The following ARK2N variants were observed in gnomAD, a reference collection of about 807,000 sequenced individuals.
ARK2N encodes arkadia (RNF111) N-terminal like PKA signaling regulator 2N.
chr18:46,184,730 A>T, the ARK2N span, among the ~76,000 whole-genome samples: 1 of 150,700 alleles, frequency 6.6e-6, no homozygotes, highest in Non-Finnish European at 1.5e-5. Context: ...CTCTAACAAC[A>T]ACAACAACAA....
At chr18:46,242,087 G>C in the ARK2N span, among the ~76,000 whole-genome samples, 203 of 152,274 alleles carry the variant, frequency 1.3e-3, no homozygotes, top group African/African-American at 4.7e-3. Context: ...GGGATTACAG[G>C]CGTGAACCAC....
At chr18:46,188,420 C>G in the ARK2N span, among the ~76,000 whole-genome samples, 1 of 152,052 alleles carries the variant, frequency 6.6e-6, no homozygotes, top group East Asian at 1.9e-4. Flanking sequence ...AGGTTGGTTT[C>G]GGAACTCCTG....
the ARK2N span, among the ~76,000 whole-genome samples, chr18:46,229,387 G>A: frequency 5.9e-5 from 9 of 152,020 alleles, no homozygotes; most frequent in East Asian, 1.9e-4. Flanking sequence ...TCGCTCTGTC[G>A]TCCAGGCTGG....
At chr18:46,231,421 C>T in the ARK2N span, among the ~76,000 whole-genome samples, 12 of 152,066 alleles carry the variant, frequency 7.9e-5, no homozygotes, top group Middle Eastern at 3.4e-3. Flanking sequence ...ACAGTGATTT[C>T]GAATGGATTC....
At chr18:46,259,239 C>CTTTCTTT in the ARK2N span, among the ~76,000 whole-genome samples, 1 of 146,726 alleles carries the variant, frequency 6.8e-6, no homozygotes, top group African/African-American at 2.6e-5. Flanking sequence ...AGCTTTCTTT[C>CTTTCTTT]TTTCTTTTTT....
the ARK2N span, chr18:46,240,212 C>G: frequency 2.5e-6 from 4 of 1,612,682 alleles, no homozygotes; most frequent in South Asian, 2.2e-5. Context: ...TCCCCCTTCT[C>G]TAACGGTGTA....
the ARK2N span, among the ~76,000 whole-genome samples, chr18:46,189,753 A>G: frequency 6.6e-6 from 1 of 152,176 alleles, no homozygotes. Flanking sequence ...AGTCCCAGCT[A>G]CTTGGGACAC....
At chr18:46,191,557 G>A in the ARK2N span, among the ~76,000 whole-genome samples, 1 of 152,070 alleles carries the variant, frequency 6.6e-6, no homozygotes, top group East Asian at 1.9e-4. Context: ...AGTCTATGTT[G>A]AATAAAACCA....
chr18:46,218,087 T>C, the ARK2N span: 8 of 152,340 alleles, frequency 5.3e-5, no homozygotes, highest in East Asian at 5.8e-4. Context: ...CCCAATACTT[T>C]GCCTTTTTGT....
At chr18:46,197,294 G>GT in the ARK2N span, among the ~76,000 whole-genome samples, 1 of 152,046 alleles carries the variant, frequency 6.6e-6, no homozygotes, top group Admixed American at 6.5e-5. Context: ...GAGTGCAGTG[G>GT]TGCAATCATG....
chr18:46,246,567 G>T, the ARK2N span, among the ~76,000 whole-genome samples: 1 of 148,794 alleles, frequency 6.7e-6, no homozygotes, highest in Non-Finnish European at 1.5e-5. Context: ...TAACATTCAC[G>T]AGGCAGTCTG....
At chr18:46,219,103 A>C in the ARK2N span, 1 of 152,206 alleles carries the variant, frequency 6.6e-6, no homozygotes, top group South Asian at 2.1e-4. Context: ...GTAACTGTTA[A>C]TGCATATTCT....
At chr18:46,197,243 G>A in the ARK2N span, among the ~76,000 whole-genome samples, 4 of 151,984 alleles carry the variant, frequency 2.6e-5, no homozygotes, top group African/African-American at 7.2e-5. Flanking sequence ...CCCAAAAGTC[G>A]TGTCCCTTTC....
At chr18:46,174,166 C>CCCA in the ARK2N span, 1 of 152,426 alleles carries the variant, frequency 6.6e-6, no homozygotes, top group Non-Finnish European at 1.5e-5. Context: ...CTGACCGCGA[C>CCCA]CCACTGCTCG....
At chr18:46,261,872 A>G in the ARK2N span, among the ~76,000 whole-genome samples, 1 of 152,296 alleles carries the variant, frequency 6.6e-6, no homozygotes, top group South Asian at 2.1e-4. Flanking sequence ...TTTGCAACTG[A>G]ATCGTGTCCA....
chr18:46,240,751 C>G, the ARK2N span, among the ~76,000 whole-genome samples: 1 of 152,184 alleles, frequency 6.6e-6, no homozygotes, highest in Admixed American at 6.5e-5. Flanking sequence ...CCCTGTCTTA[C>G]ATTTTTTTAG....
the ARK2N span, among the ~76,000 whole-genome samples, chr18:46,185,519 A>G: frequency 6.6e-6 from 1 of 152,232 alleles, no homozygotes; most frequent in Admixed American, 6.6e-5. Context: ...GTGCTAGCCA[A>G]CTTGTCTAAC....
the ARK2N span, among the ~76,000 whole-genome samples, chr18:46,204,627 T>C: frequency 6.6e-6 from 1 of 152,230 alleles, no homozygotes; most frequent in East Asian, 1.9e-4. Context: ...CATTAGCTGC[T>C]TGTGTTTCTT....
At chr18:46,224,881 A>G in the ARK2N span, among the ~76,000 whole-genome samples, 1 of 152,182 alleles carries the variant, frequency 6.6e-6, no homozygotes, top group African/African-American at 2.4e-5. Context: ...TAAAAATACA[A>G]TTTCCGAAGC....
Sources: allele counts gnomAD v4.1 joint callset (sites outside exome capture counted in the v4.1 genomes callset), GRCh38; gene constraint gnomAD v4.1.1; transcripts MANE v1.5; gene names NCBI Gene and HGNC (gene_info 2026-07-23, HGNC 2026-07-21).